GRIA2: variants seen among roughly 807,000 people sequenced by gnomAD.
GRIA2 encodes glutamate ionotropic receptor AMPA type subunit 2, also known as glutamate receptor 2.
A neutral mutation model predicts 97.3 loss-of-function variants in GRIA2; 14 were observed. That is an observed-to-expected ratio of 0.14 (90% CI 0.10 to 0.23). The LOEUF (loss-of-function observed/expected upper bound fraction) is 0.23. Ranked by LOEUF, GRIA2 falls within the 10% of genes least tolerant of loss-of-function variation. GRIA2 has a pLI of 1.00. For synonymous variants in GRIA2, 412 were observed against 387.8 expected (o/e 1.06, Z -0.73); for missense variants, 558 against 1,069.8 (o/e 0.52, Z 6.67).
At chr4:157,280,123 T>TCAAA (rs1284052764) in intron 2 of GRIA2, among the ~76,000 whole-genome samples, 1 of 152,076 alleles carries the variant, frequency 6.6e-6, no homozygotes, top group East Asian at 1.9e-4. Context: ...AGACTTTGGC[T>TCAAA]CAAACAAACA....
intron 2 of GRIA2, among the ~76,000 whole-genome samples, chr4:157,245,690 A>G (rs1404493553): frequency 6.6e-6 from 1 of 152,132 alleles, no homozygotes; most frequent in African/African-American, 2.4e-5. Context: ...GATGCTTTCT[A>G]GAAAGAAAGA....
intron 2 of GRIA2, among the ~76,000 whole-genome samples, chr4:157,262,030 C>A (rs1156881093): frequency 6.6e-6 from 1 of 152,066 alleles, no homozygotes; most frequent in South Asian, 2.1e-4. Flanking sequence ...GGAAATATAA[C>A]GTCCTCTTTA....
chr4:157,311,659 A>G (rs1459650344), intron 3 of GRIA2, among the ~76,000 whole-genome samples: 6 of 152,016 alleles, frequency 3.9e-5, no homozygotes, highest in African/African-American at 1.4e-4. Context: ...AAAGGGACTA[A>G]TATTGTTAGA....
chr4:157,258,171 C>T (rs1407129295), intron 2 of GRIA2, among the ~76,000 whole-genome samples: 1 of 152,024 alleles, frequency 6.6e-6, no homozygotes, highest in Non-Finnish European at 1.5e-5. Flanking sequence ...AACAGGATAA[C>T]AGCAATGTTC....
Position 157,277,299 on chromosome 4 carries a change from C to A in GRIA2, c.230-26253C>A, listed in dbSNP as rs75846648. ...AAAAAGAAAGATCGCATAATCATAT[C>A]ATATGCAGAAAAAGCATTTGACAAA... On this transcript the variant is annotated intron_variant, in intron 2 of 15. Coordinates refer to ENST00000264426, the MANE Select transcript of GRIA2 (RefSeq NM_001083619.3). Among the ~76,000 whole-genome samples the A allele has an allele frequency of 6.2e-3, 948 of 151,962 alleles. 9 individuals carry two copies. The highest frequency in any genetic ancestry group is 0.012 in the South Asian group (56 of 4,824).
At position 157,280,187 on chromosome 4, in the gene GRIA2, G is replaced by T. The variant is rs72962847; in HGVS notation, c.230-23365G>T. 7.8e-3 allele frequency among the ~76,000 whole-genome samples: 1,194 copies of T among 152,162 alleles called. 13 individuals carry two copies. The highest frequency in any genetic ancestry group is 0.027 in the African/African-American group (1,135 of 41,520). ...AAGTACAATATTTGTCTTGTCATTT[G>T]GCTAAAGATACAACCATACTTATAA... On this transcript the variant is annotated intron_variant, in intron 2 of 15. Transcript: ENST00000264426.
intron 2 of GRIA2, among the ~76,000 whole-genome samples, chr4:157,228,690 G>A (rs1729857674): frequency 6.6e-6 from 1 of 151,416 alleles, no homozygotes; most frequent in African/African-American, 2.4e-5. Context: ...CTACTCAGGA[G>A]GCTGAGGCAG....
At chr4:157,285,393 A>T (rs1361014285) in intron 2 of GRIA2, among the ~76,000 whole-genome samples, 2 of 151,678 alleles carry the variant, frequency 1.3e-5, no homozygotes, top group East Asian at 3.9e-4. Flanking sequence ...TTTTATAAAA[A>T]CTTTTAAAGT....
chr4:157,280,245 T>C (rs1474574799), intron 2 of GRIA2, among the ~76,000 whole-genome samples: 1 of 152,136 alleles, frequency 6.6e-6, no homozygotes. Context: ...AATACCCTTA[T>C]TAATGAAATG....
intron 5 of GRIA2, 98 bp downstream of exon 5, chr4:157,317,809 A>C (rs1579358642): frequency 1.7e-6 from 1 of 591,768 alleles, no homozygotes; most frequent in East Asian, 3.4e-5. Flanking sequence ...TGTTTTAAAA[A>C]ATACAGTTTG....
intron 6 of GRIA2, among the ~76,000 whole-genome samples, chr4:157,322,644 G>A (rs1018188634): frequency 6.6e-6 from 1 of 152,070 alleles, no homozygotes; most frequent in Non-Finnish European, 1.5e-5. Context: ...ACTGGCTAAG[G>A]GTAGTTTAAA....
At chr4:157,329,008 T>C (rs1194410973) in intron 6 of GRIA2, among the ~76,000 whole-genome samples, 4 of 151,960 alleles carry the variant, frequency 2.6e-5, no homozygotes, top group African/African-American at 4.8e-5. Flanking sequence ...AGGGCACATA[T>C]TCAATATGCT....
At position 157,287,799 on chromosome 4, in the gene GRIA2, T is replaced by C. The variant is rs28502327; in HGVS notation, c.230-15753T>C. On this transcript the variant is annotated intron_variant, in intron 2 of 15. Coordinates refer to ENST00000264426, the MANE Select transcript of GRIA2 (RefSeq NM_001083619.3). ...GGGAGTATCCAAAGTCTTTCTCTTTTCTCCGATGAGCCATTAAAATTCAAG... is the reference window on the plus strand; with the variant it reads ...GGGAGTATCCAAAGTCTTTCTCTTTCCTCCGATGAGCCATTAAAATTCAAG... Among the ~76,000 whole-genome samples, 1,419 of 151,636 alleles carry C rather than the reference T, an allele frequency of 9.4e-3. 28 individuals are homozygous for C. The highest frequency in any genetic ancestry group is 0.032 in the African/African-American group (1,343 of 41,438).
chr4:157,347,696 G>C (rs1735821103), intron 12 of GRIA2, among the ~76,000 whole-genome samples: 1 of 152,120 alleles, frequency 6.6e-6, no homozygotes, highest in African/African-American at 2.4e-5. Context: ...CACACTGGTT[G>C]CCATGGTAAT....
At chr4:157,323,375 G>A (rs1211329978) in intron 6 of GRIA2, among the ~76,000 whole-genome samples, 2 of 127,004 alleles carry the variant, frequency 1.6e-5, no homozygotes, top group East Asian at 2.6e-4. Context: ...AAGACATACT[G>A]TTTATATCGG....
At chr4:157,325,798 CCTTCT>C (rs1734778700) in intron 6 of GRIA2, among the ~76,000 whole-genome samples, 2 of 152,174 alleles carry the variant, frequency 1.3e-5, no homozygotes, top group African/African-American at 4.8e-5. Flanking sequence ...CTTCCTACCA[CCTTCT>C]CTTCAGCCAA....
Position 157,253,743 on chromosome 4 carries a change from C to A in GRIA2, c.229+31936C>A, listed in dbSNP as rs1284015923. The stretch of plus-strand genomic sequence containing the variant: ...TCCTATTGCTGCTCCTGTTTCATAT[C>A]CCACAAAATTGATACAATGAGATAA... On this transcript the variant is annotated intron_variant, in intron 2 of 15. Coordinates refer to ENST00000264426, the MANE Select transcript of GRIA2 (RefSeq NM_001083619.3). Among the ~76,000 whole-genome samples the A allele has an allele frequency of 2.0e-5, 3 of 152,034 alleles. No individual in the cohort carries two copies. The East Asian group carries it at 5.8e-4, about 29-fold the overall frequency.
At chr4:157,246,870 G>A (rs1017583192) in intron 2 of GRIA2, among the ~76,000 whole-genome samples, 5 of 151,930 alleles carry the variant, frequency 3.3e-5, no homozygotes, top group African/African-American at 1.2e-4. Flanking sequence ...TGTATTAAAT[G>A]TACTTGTTCA....
intron 2 of GRIA2, among the ~76,000 whole-genome samples, chr4:157,275,629 C>T (rs1048604614): frequency 2.0e-5 from 3 of 152,064 alleles, no homozygotes; most frequent in Admixed American, 6.6e-5. Flanking sequence ...ATAGGGAATC[C>T]GTTCCCCATT....
Sources: gnomAD v4.1 joint callset for allele counts (sites outside exome capture counted in the v4.1 genomes callset) on GRCh38, gnomAD v4.1.1 for gene constraint, MANE v1.5 for transcripts, NCBI Gene and HGNC (gene_info 2026-07-23, HGNC 2026-07-21) for gene names.